The following GPHN variants were observed in gnomAD, a reference collection of about 807,000 sequenced individuals.
GPHN encodes gephyrin.
Under a neutral mutation model 95.5 loss-of-function variants are expected in GPHN, and 17 were observed. The ratio of observed to expected loss-of-function variants is 0.18; its 90% confidence interval spans 0.12 to 0.27. GPHN has a LOEUF of 0.27. Ranked by LOEUF, GPHN falls within the 10% of genes least tolerant of loss-of-function variation. GPHN has a pLI of 1.00. For synonymous variants in GPHN, 320 were observed against 322.5 expected, an observed-to-expected ratio of 0.99 and a Z score of 0.08; for missense variants, 660 against 978.1, an observed-to-expected ratio of 0.67 and a Z score of 4.34.
chr14:67,621,863 A>G, the GPHN span, among the ~76,000 whole-genome samples: 50,295 of 151,158 alleles, frequency 0.33, 8,974 homozygotes, highest in African/African-American at 0.46. Flanking sequence ...TTGGGAGGCC[A>G]AGGTGGGTGG....
chr14:66,742,742 TG>T (rs2072896878), intron 2 of GPHN, among the ~76,000 whole-genome samples: 1 of 152,158 alleles, frequency 6.6e-6, no homozygotes, highest in Non-Finnish European at 1.5e-5. Flanking sequence ...CATTTGTTTT[TG>T]TTCTTCTTGT....
rs1252531956 is a variant in GPHN, at chr14:67,090,196, G to T, written c.1237+1121G>T. On this transcript the variant is annotated intron_variant, in intron 12 of 22. Transcript: ENST00000478722. ...TAAGCATGCCAATTCCTTTTTAATG[G>T]GGTACATGAGATATGGAGTTATGGA... Among the ~76,000 whole-genome samples the T allele has an allele frequency of 7.2e-5, 11 of 152,090 alleles. No homozygotes were observed. In the East Asian group the frequency reaches 2.1e-3, roughly 29 times the overall value.
At chr14:67,215,395 A>G in the GPHN span, among the ~76,000 whole-genome samples, 4 of 144,940 alleles carry the variant, frequency 2.8e-5, no homozygotes, top group East Asian at 8.7e-4. Flanking sequence ...TCCCCAGAAC[A>G]CTGATCTATT....
the GPHN span, among the ~76,000 whole-genome samples, chr14:67,469,902 C>G: frequency 6.6e-6 from 1 of 152,196 alleles, no homozygotes; most frequent in African/African-American, 2.4e-5. Context: ...TGAGATGTCT[C>G]AGGTCATGGC....
chr14:66,648,647 A>G (rs2064881663), intron 1 of GPHN, among the ~76,000 whole-genome samples: 1 of 152,210 alleles, frequency 6.6e-6, no homozygotes, highest in Non-Finnish European at 1.5e-5. Flanking sequence ...TTTGTGTAAG[A>G]ATAGACTGTG....
chr14:67,221,690 A>C, the GPHN span: 3 of 1,549,294 alleles, frequency 1.9e-6, no homozygotes, highest in South Asian at 1.2e-5. Context: ...CATTTAAAGA[A>C]TGACCGGTTA....
chr14:67,702,017 A>G, the GPHN span: 1 of 152,050 alleles, frequency 6.6e-6, no homozygotes, highest in African/African-American at 2.4e-5. Context: ...GTGTCTCACT[A>G]TGTTGCTTAG....
intron 1 of GPHN, among the ~76,000 whole-genome samples, chr14:66,531,717 T>C (rs1158006400): frequency 6.6e-6 from 1 of 152,248 alleles, no homozygotes; most frequent in Non-Finnish European, 1.5e-5. Context: ...TCATGTACTT[T>C]GCATGGTGTT....
chr14:67,329,676 C>T, the GPHN span, among the ~76,000 whole-genome samples: 251 of 151,918 alleles, frequency 1.7e-3, 1 homozygote, highest in Admixed American at 6.1e-3. Flanking sequence ...GCCAGGAGTT[C>T]GAGACCAGCC....
the GPHN span, among the ~76,000 whole-genome samples, chr14:67,668,930 T>A: frequency 6.6e-6 from 1 of 152,090 alleles, no homozygotes; most frequent in Non-Finnish European, 1.5e-5. Context: ...AAGTGTCTAA[T>A]ATGTCAGAAA....
intron 2 of GPHN, among the ~76,000 whole-genome samples, chr14:66,757,990 A>C (rs1172039653): frequency 1.2e-4 from 18 of 152,124 alleles, no homozygotes; most frequent in African/African-American, 3.9e-4. Context: ...AAGGTGGGAA[A>C]ATTCCCCGTG....
the GPHN span, among the ~76,000 whole-genome samples, chr14:67,410,648 A>G: frequency 6.6e-6 from 1 of 152,192 alleles, no homozygotes; most frequent in African/African-American, 2.4e-5. Flanking sequence ...ATGTGGACAC[A>G]TTTTGTGGGG....
chr14:67,379,443 G>A, the GPHN span, among the ~76,000 whole-genome samples: 1 of 151,928 alleles, frequency 6.6e-6, no homozygotes, highest in African/African-American at 2.4e-5. Context: ...TGAAACATCT[G>A]TTCACCTCAT....
At chr14:67,246,814 G>C in the GPHN span, among the ~76,000 whole-genome samples, 1 of 152,062 alleles carries the variant, frequency 6.6e-6, no homozygotes, top group Non-Finnish European at 1.5e-5. Context: ...ACCACGCCCA[G>C]CTAATTTTTG....
chr14:67,043,755 GAT>G (rs760546869), intron 10 of GPHN, among the ~76,000 whole-genome samples: 2 of 152,116 alleles, frequency 1.3e-5, no homozygotes, highest in Non-Finnish European at 2.9e-5. Flanking sequence ...GAGTTGGGGG[GAT>G]TCCCTCTTTT....
the GPHN span, among the ~76,000 whole-genome samples, chr14:67,264,605 T>C: frequency 6.6e-6 from 1 of 152,202 alleles, no homozygotes; most frequent in African/African-American, 2.4e-5. Flanking sequence ...AGATATCCAG[T>C]GTGGAAATAA....
chr14:67,382,177 C>T, the GPHN span, among the ~76,000 whole-genome samples: 23,540 of 151,720 alleles, frequency 0.16, 3,457 homozygotes, highest in East Asian at 0.42. Flanking sequence ...CAAAGATACA[C>T]GGAAATGATA....
At chr14:67,583,997 A>G in the GPHN span, 4 of 1,614,030 alleles carry the variant, frequency 2.5e-6, no homozygotes, top group Non-Finnish European at 3.4e-6. Flanking sequence ...CACACCAGGC[A>G]CCTGGCAGAT....
At chr14:67,508,969 C>A in the GPHN span, among the ~76,000 whole-genome samples, 2 of 151,852 alleles carry the variant, frequency 1.3e-5, no homozygotes, top group African/African-American at 4.8e-5. Flanking sequence ...TAATGATGGG[C>A]AGGGAAAGGC....
Sources: allele counts gnomAD v4.1 joint callset (sites outside exome capture counted in the v4.1 genomes callset), GRCh38; gene constraint gnomAD v4.1.1; transcripts MANE v1.5; gene names NCBI Gene and HGNC (gene_info 2026-07-23, HGNC 2026-07-21).